The following RNF220 variants were observed in gnomAD, a reference collection of about 807,000 sequenced individuals.
The protein encoded by RNF220 is ring finger protein 220, also known as E3 ubiquitin-protein ligase RNF220.
RNF220 carries 7 observed loss-of-function variants against 67.1 expected under a neutral mutation model. The ratio of observed to expected loss-of-function variants is 0.10; its 90% confidence interval spans 0.06 to 0.20. The LOEUF (loss-of-function observed/expected upper bound fraction) is 0.20, where lower values mean the gene tolerates loss of function less well. Ranked by LOEUF, RNF220 falls within the 10% of genes least tolerant of loss-of-function variation. The pLI, the probability that RNF220 is intolerant of heterozygous loss-of-function variation, is 1.00. For synonymous variants in RNF220, 270 were observed against 283.2 expected, an observed-to-expected ratio of 0.95 and a Z score of 0.47; for missense variants, 565 against 740.3, an observed-to-expected ratio of 0.76 and a Z score of 2.75.
chr1:44,635,530 G>A lies in RNF220; in HGVS notation c.950-15G>A, dbSNP rs781512558. 6.2e-7 allele frequency: 1 copy of A among 1,612,136 alleles called. No individual in the cohort carries two copies. The highest frequency in any genetic ancestry group is 1.1e-5 in the South Asian group (1 of 90,920). ...TCTGCTTGTTCTGTGCTTTGTTTTCGGTTTCCCCGTGCAGCTCGGATTGGG... is the reference window on the plus strand; with the variant it reads ...TCTGCTTGTTCTGTGCTTTGTTTTCAGTTTCCCCGTGCAGCTCGGATTGGG... On this transcript the variant is annotated splice_polypyrimidine_tract_variant and intron_variant, in intron 6 of 14. Coordinates refer to ENST00000361799, the MANE Select transcript of RNF220 (RefSeq NM_018150.4).
At chr1:44,548,259 C>A (rs1662335966) in intron 2 of RNF220, among the ~76,000 whole-genome samples, 1 of 152,184 alleles carries the variant, frequency 6.6e-6, no homozygotes, top group Admixed American at 6.5e-5. Context: ...ACCATCCAGT[C>A]TTTCTCCCTG....
intron 2 of RNF220, among the ~76,000 whole-genome samples, chr1:44,528,906 G>A (rs1035503766): frequency 6.6e-6 from 1 of 152,104 alleles, no homozygotes; most frequent in Admixed American, 6.5e-5. Context: ...GAGCCACCAC[G>A]TTTGGCCAGA....
chr1:44,579,467 C>T (rs775970664), intron 2 of RNF220, among the ~76,000 whole-genome samples: 15 of 152,260 alleles, frequency 9.9e-5, no homozygotes, highest in Non-Finnish European at 1.9e-4. Context: ...TGAGTTCTGG[C>T]GCTGTGGGGC....
chr1:44,607,422 C>CATTGGACTCT (rs986409668), intron 2 of RNF220, among the ~76,000 whole-genome samples: 2 of 152,152 alleles, frequency 1.3e-5, no homozygotes, highest in Non-Finnish European at 2.9e-5. Context: ...GCTCCAGCCA[C>CATTGGACTCT]ATTGGACTCT....
intron 2 of RNF220, among the ~76,000 whole-genome samples, chr1:44,594,523 G>A (rs892458707): frequency 6.6e-6 from 1 of 152,202 alleles, no homozygotes; most frequent in Non-Finnish European, 1.5e-5. Flanking sequence ...CTGCCAAATT[G>A]CTCTTTTCCT....
At chr1:44,646,854 G>A (rs752095445) in intron 12 of RNF220, among the ~76,000 whole-genome samples, 3 of 152,194 alleles carry the variant, frequency 2.0e-5, no homozygotes, top group African/African-American at 7.2e-5. Context: ...ATCAGTCCCC[G>A]TGATTTCTCT....
intron 2 of RNF220, among the ~76,000 whole-genome samples, chr1:44,505,373 G>T (rs1228664451): frequency 6.6e-6 from 1 of 152,134 alleles, no homozygotes; most frequent in Non-Finnish European, 1.5e-5. Context: ...ATTTCTCCTG[G>T]CCAGCTGGCC....
intron 2 of RNF220, among the ~76,000 whole-genome samples, chr1:44,493,702 C>T (rs918379855): frequency 6.6e-6 from 1 of 151,764 alleles, no homozygotes; most frequent in Non-Finnish European, 1.5e-5. Flanking sequence ...TAGCTGGGCA[C>T]AGTGGCATGC....
chr1:44,556,075 C>T (rs1663056234), intron 2 of RNF220, among the ~76,000 whole-genome samples: 1 of 150,476 alleles, frequency 6.6e-6, no homozygotes, highest in Admixed American at 6.6e-5. Context: ...CTCTGTGTCG[C>T]CCAGGCTGGA....
At chr1:44,581,999 G>A (rs894852963) in intron 2 of RNF220, among the ~76,000 whole-genome samples, 1 of 152,122 alleles carries the variant, frequency 6.6e-6, no homozygotes, top group African/African-American at 2.4e-5. Flanking sequence ...TTCCACATTC[G>A]GCCTGGCCAG....
chr1:44,537,227 A>G (rs1446607914), intron 2 of RNF220, among the ~76,000 whole-genome samples: 1 of 152,122 alleles, frequency 6.6e-6, no homozygotes, highest in African/African-American at 2.4e-5. Context: ...CCCTTCTTGT[A>G]TCAGACCTCT....
At chr1:44,431,323 C>T (rs1650344288) in intron 2 of RNF220, among the ~76,000 whole-genome samples, 1 of 151,988 alleles carries the variant, frequency 6.6e-6, no homozygotes, top group Middle Eastern at 3.4e-3. Flanking sequence ...AACCCTGTCT[C>T]TTCTAAAAAT....
intron 2 of RNF220, among the ~76,000 whole-genome samples, chr1:44,526,543 A>G (rs980113140): frequency 1.3e-5 from 2 of 152,214 alleles, no homozygotes; most frequent in Admixed American, 1.3e-4. Flanking sequence ...AGTACTATCC[A>G]GTACTTGTGT....
chr1:44,507,605 G>A (rs1658549416), intron 2 of RNF220, among the ~76,000 whole-genome samples: 1 of 152,008 alleles, frequency 6.6e-6, no homozygotes, highest in Non-Finnish European at 1.5e-5. Flanking sequence ...GCCTTTAGGG[G>A]GCAACAAGTA....
intron 2 of RNF220, among the ~76,000 whole-genome samples, chr1:44,441,590 G>A (rs577124790): frequency 1.3e-5 from 2 of 152,338 alleles, no homozygotes; most frequent in East Asian, 3.9e-4. Flanking sequence ...AAATGGATGA[G>A]GAGGGAGATA....
intron 2 of RNF220, among the ~76,000 whole-genome samples, chr1:44,503,826 G>T (rs993891944): frequency 6.6e-6 from 1 of 152,140 alleles, no homozygotes; most frequent in African/African-American, 2.4e-5. Context: ...TGAAAGCTCT[G>T]GGTGTGGGGC....
chr1:44,497,748 T>A (rs1657469736), intron 2 of RNF220, among the ~76,000 whole-genome samples: 1 of 152,196 alleles, frequency 6.6e-6, no homozygotes, highest in African/African-American at 2.4e-5. Flanking sequence ...ATTCCCCTCA[T>A]CCCTGGTTCA....
intron 2 of RNF220, among the ~76,000 whole-genome samples, chr1:44,491,791 G>A (rs998201638): frequency 3.3e-5 from 5 of 152,090 alleles, no homozygotes; most frequent in African/African-American, 1.2e-4. Flanking sequence ...AGCCTCCCGA[G>A]TAGCTGGGAC....
At chr1:44,471,276 A>AT (rs1654780516) in intron 2 of RNF220, among the ~76,000 whole-genome samples, 1 of 151,412 alleles carries the variant, frequency 6.6e-6, no homozygotes, top group Non-Finnish European at 1.5e-5. Context: ...AAATACAAAA[A>AT]TTAGCTGGGC....
Sources: gnomAD v4.1 joint callset for allele counts (sites outside exome capture counted in the v4.1 genomes callset) on GRCh38, gnomAD v4.1.1 for gene constraint, MANE v1.5 for transcripts, NCBI Gene and HGNC (gene_info 2026-07-23, HGNC 2026-07-21) for gene names.